Variants in PALM2AKAP2 observed in about 807,000 individuals in gnomAD.
PALM2AKAP2 encodes PALM2 and AKAP2 fusion, also known as PALM2-AKAP2 fusion protein.
A neutral mutation model predicts 71.5 loss-of-function variants in PALM2AKAP2; 37 were observed. That is an observed-to-expected ratio of 0.52 (90% confidence interval 0.40 to 0.68). PALM2AKAP2 has a LOEUF of 0.68. Ranked by LOEUF, PALM2AKAP2 falls within the 30% of genes least tolerant of loss-of-function variation. The pLI, the probability that PALM2AKAP2 is intolerant of heterozygous loss-of-function variation, is 0.00. For missense variants in PALM2AKAP2, 1,224 were observed against 1,191.8 expected (o/e 1.03, Z -0.40); for synonymous variants, 468 against 478.8 (o/e 0.98, Z 0.29).
chr9:109,862,945 C>A (rs746277858), intron 1 of PALM2AKAP2: 1 of 513,038 alleles, frequency 1.9e-6, no homozygotes, highest in East Asian at 5.5e-5. Flanking sequence ...TGGTAGGGGG[C>A]CATGGCTTGA....
chr9:109,694,608 A>G (rs547856177), intron 1 of PALM2AKAP2, among the ~76,000 whole-genome samples: 2 of 152,232 alleles, frequency 1.3e-5, no homozygotes, highest in East Asian at 3.9e-4. Context: ...ACTCAATATT[A>G]TCAGCTGTCT....
At chr9:109,818,702 C>G (rs1420077962) in intron 1 of PALM2AKAP2, among the ~76,000 whole-genome samples, 1 of 152,152 alleles carries the variant, frequency 6.6e-6, no homozygotes, top group African/African-American at 2.4e-5. Context: ...TTAAGGGTTT[C>G]TCTTGAGTAG....
At chr9:110,130,751 G>A (rs999358013) in intron 1 of PALM2AKAP2, among the ~76,000 whole-genome samples, 3 of 152,130 alleles carry the variant, frequency 2.0e-5, no homozygotes, top group African/African-American at 4.8e-5. Flanking sequence ...AAACAAGATC[G>A]TTTAGTTTTC....
At chr9:109,963,354 T>G (rs1456995035) in intron 6 of PALM2AKAP2, among the ~76,000 whole-genome samples, 1 of 152,210 alleles carries the variant, frequency 6.6e-6, no homozygotes, top group Non-Finnish European at 1.5e-5. Context: ...ATAGACATAT[T>G]GTGTTTGGCC....
At chr9:109,724,317 G>A (rs920365139) in intron 1 of PALM2AKAP2, among the ~76,000 whole-genome samples, 10 of 152,136 alleles carry the variant, frequency 6.6e-5, no homozygotes, top group African/African-American at 2.2e-4. Flanking sequence ...CTTCCCTAAA[G>A]TAATATATAA....
chr9:109,685,453 T>G (rs1827794353), intron 1 of PALM2AKAP2, among the ~76,000 whole-genome samples: 1 of 152,180 alleles, frequency 6.6e-6, no homozygotes, highest in Non-Finnish European at 1.5e-5. Context: ...CAAGTTTTTT[T>G]TGGTTTCCCA....
At position 109,759,004 on chromosome 9, in the gene PALM2AKAP2, C is replaced by T. The variant is rs139699464; in HGVS notation, c.6-21484C>T. ...GTATTTTCTATTCTGTGAGCTATTTCGTTCCTTTGCTCATTTTCTTAAAAA... is the reference window on the plus strand; with the variant it reads ...GTATTTTCTATTCTGTGAGCTATTTTGTTCCTTTGCTCATTTTCTTAAAAA... On this transcript the variant is annotated intron_variant, in intron 1 of 6. Coordinates refer to the PALM2AKAP2 transcript ENST00000374531. 2.3e-4 allele frequency among the ~76,000 whole-genome samples: 35 copies of T among 152,082 alleles called. 1 individual carries two copies. The East Asian group carries it at 6.4e-3, about 28-fold the overall frequency.
chr9:110,012,292 C>CA (rs1009204086), intron 6 of PALM2AKAP2, among the ~76,000 whole-genome samples: 20 of 150,682 alleles, frequency 1.3e-4, no homozygotes, highest in Admixed American at 2.6e-4. Context: ...GACTCTGTCT[C>CA]AAAAAAAAGA....
intron 1 of PALM2AKAP2, among the ~76,000 whole-genome samples, chr9:109,812,810 C>A (rs1459208725): frequency 1.3e-5 from 2 of 152,186 alleles, no homozygotes; most frequent in Non-Finnish European, 2.9e-5. Context: ...GATCCAGCAG[C>A]ATCACTGCCT....
chr9:109,775,034 T>A (rs1271079683), intron 1 of PALM2AKAP2, among the ~76,000 whole-genome samples: 4 of 152,236 alleles, frequency 2.6e-5, no homozygotes, highest in Non-Finnish European at 5.9e-5. Context: ...GGACATCACA[T>A]ATTTTCATTT....
intron 1 of PALM2AKAP2, among the ~76,000 whole-genome samples, chr9:109,814,113 A>G (rs1827793015): frequency 6.6e-6 from 1 of 152,182 alleles, no homozygotes; most frequent in Admixed American, 6.5e-5. Flanking sequence ...TTTGCAGTGA[A>G]GGTTTGTAAT....
chr9:110,079,915 C>A (rs1834407358), intron 1 of PALM2AKAP2, among the ~76,000 whole-genome samples: 1 of 151,668 alleles, frequency 6.6e-6, no homozygotes, highest in South Asian at 2.1e-4. Flanking sequence ...ACTGAAAATA[C>A]AAAAATTTGC....
At chr9:109,981,815 G>A (rs1310312959) in intron 6 of PALM2AKAP2, among the ~76,000 whole-genome samples, 3 of 151,966 alleles carry the variant, frequency 2.0e-5, no homozygotes, top group Admixed American at 6.6e-5. Flanking sequence ...ACAAATGCCG[G>A]CAAGGATGTA....
At chr9:110,010,450 CTA>C (rs1036677613) in intron 6 of PALM2AKAP2, among the ~76,000 whole-genome samples, 25 of 146,958 alleles carry the variant, frequency 1.7e-4, no homozygotes, top group African/African-American at 4.2e-4. Context: ...AATATACATA[CTA>C]TATATATAAT....
intron 1 of PALM2AKAP2, among the ~76,000 whole-genome samples, chr9:109,672,442 G>A (rs1433419568): frequency 6.6e-6 from 1 of 152,144 alleles, no homozygotes; most frequent in Non-Finnish European, 1.5e-5. Context: ...TTGCATCCTA[G>A]GGATAAATCC....
chr9:109,862,551 G>GGTGTTTCTC (rs1457718364), intron 1 of PALM2AKAP2, among the ~76,000 whole-genome samples: 33 of 152,084 alleles, frequency 2.2e-4, no homozygotes, highest in Admixed American at 2.2e-3. Flanking sequence ...GTCTCTAACT[G>GGTGTTTCTC]GTGTTTCTCA....
At chr9:110,059,959 A>C (rs1833926442) in intron 1 of PALM2AKAP2, among the ~76,000 whole-genome samples, 1 of 152,192 alleles carries the variant, frequency 6.6e-6, no homozygotes, top group Non-Finnish European at 1.5e-5. Flanking sequence ...TATTAGAAAC[A>C]ATTTTTAAAA....
chr9:109,679,827 G>A (rs547001407), intron 1 of PALM2AKAP2, among the ~76,000 whole-genome samples: 8 of 152,266 alleles, frequency 5.3e-5, no homozygotes, highest in Non-Finnish European at 8.8e-5. Context: ...TCTTATGCAA[G>A]TATATGCTCT....
chr9:109,731,010 G>T (rs1828549800), intron 1 of PALM2AKAP2, among the ~76,000 whole-genome samples: 1 of 152,054 alleles, frequency 6.6e-6, no homozygotes, highest in African/African-American at 2.4e-5. Context: ...TTCCAACCGG[G>T]GACTGTCAAA....
Sources: allele counts gnomAD v4.1 joint callset (sites outside exome capture counted in the v4.1 genomes callset), GRCh38; gene constraint gnomAD v4.1.1; transcripts MANE v1.5; gene names NCBI Gene and HGNC (gene_info 2026-07-23, HGNC 2026-07-21).